Variants in UVRAG observed in about 807,000 individuals in gnomAD.
UVRAG encodes the protein UV radiation resistance associated.
In UVRAG, 19 loss-of-function variants were observed where a neutral mutation model predicts 78.0. The ratio of observed to expected loss-of-function variants is 0.24; its 90% CI spans 0.17 to 0.36. UVRAG has a LOEUF of 0.36. UVRAG is among the 10% of genes least tolerant of loss of function. The pLI is 1.00. For synonymous variants in UVRAG, 323 were observed against 324.6 expected (o/e 1.00, Z 0.05); for missense variants, 740 against 853.8 (o/e 0.87, Z 1.66).
At chr11:76,052,128 A>G (rs1360828965) in intron 12 of UVRAG, among the ~76,000 whole-genome samples, 2 of 152,206 alleles carry the variant, frequency 1.3e-5, no homozygotes, top group Non-Finnish European at 2.9e-5. Context: ...GGCTGATTAT[A>G]TGAGCACTAT....
At chr11:75,939,698 G>A (rs554576091) in intron 6 of UVRAG, among the ~76,000 whole-genome samples, 69 of 152,298 alleles carry the variant, frequency 4.5e-4, no homozygotes, top group African/African-American at 1.6e-3. Flanking sequence ...AGGCATTTGA[G>A]AATGTGTGAG....
intron 12 of UVRAG, among the ~76,000 whole-genome samples, chr11:76,055,220 G>A (rs968547851): frequency 4.6e-5 from 7 of 151,906 alleles, no homozygotes; most frequent in Non-Finnish European, 7.4e-5. Flanking sequence ...GCTAATTTTT[G>A]TATTTTTAGT....
intron 13 of UVRAG, among the ~76,000 whole-genome samples, chr11:76,079,368 C>T (rs2134406836): frequency 6.6e-6 from 1 of 151,858 alleles, no homozygotes; most frequent in East Asian, 1.9e-4. Flanking sequence ...GCCTGTAGTC[C>T]CAACTACTCA....
At chr11:75,969,439 G>A (rs958835505) in intron 7 of UVRAG, among the ~76,000 whole-genome samples, 3 of 152,036 alleles carry the variant, frequency 2.0e-5, no homozygotes, top group African/African-American at 7.3e-5. Flanking sequence ...GTGGACTTTT[G>A]GTTTCTGTTT....
intron 13 of UVRAG, among the ~76,000 whole-genome samples, chr11:76,087,146 T>G (rs1951602105): frequency 6.6e-6 from 1 of 152,228 alleles, no homozygotes; most frequent in South Asian, 2.1e-4. Flanking sequence ...CAGTGAGTCC[T>G]AATGTTTCTA....
intron 13 of UVRAG, among the ~76,000 whole-genome samples, chr11:76,102,431 CT>C (rs1041515855): frequency 6.6e-6 from 1 of 152,140 alleles, no homozygotes; most frequent in Non-Finnish European, 1.5e-5. Flanking sequence ...TACCCTGAAA[CT>C]TTGCTGAAGT....
At chr11:75,944,994 A>T (rs1948561522) in intron 6 of UVRAG, among the ~76,000 whole-genome samples, 1 of 152,174 alleles carries the variant, frequency 6.6e-6, no homozygotes, top group South Asian at 2.1e-4. Flanking sequence ...ATTGATAGAC[A>T]TGTAGTGTCT....
intron 12 of UVRAG, among the ~76,000 whole-genome samples, chr11:76,055,417 A>C (rs1003782991): frequency 5.9e-5 from 9 of 152,198 alleles, no homozygotes; most frequent in Non-Finnish European, 1.0e-4. Flanking sequence ...CCAAGATTTT[A>C]TTATGAAAAT....
intron 14 of UVRAG, among the ~76,000 whole-genome samples, chr11:76,118,314 T>G (rs1422859687): frequency 6.6e-6 from 1 of 152,216 alleles, no homozygotes; most frequent in East Asian, 1.9e-4. Flanking sequence ...TCGATTCTCT[T>G]GGATTTTTTG....
At chr11:75,923,003 C>CATATATATAT (rs147448761) in intron 6 of UVRAG, among the ~76,000 whole-genome samples, 9 of 138,768 alleles carry the variant, frequency 6.5e-5, no homozygotes, top group African/African-American at 1.9e-4. Flanking sequence ...TATATTTTTT[C>CATATATATAT]ATATATATAT....
At chr11:75,852,156 T>C (rs1946167045) in intron 2 of UVRAG, among the ~76,000 whole-genome samples, 156 bp downstream of exon 2, 1 of 152,220 alleles carries the variant, frequency 6.6e-6, no homozygotes, top group South Asian at 2.1e-4. Flanking sequence ...GGATGTATAC[T>C]AAAGAAAGAT....
intron 6 of UVRAG, among the ~76,000 whole-genome samples, chr11:75,934,443 A>C (rs755522015): frequency 6.6e-6 from 1 of 152,178 alleles, no homozygotes; most frequent in Non-Finnish European, 1.5e-5. Flanking sequence ...ACTTGCTAGT[A>C]AAAACAAGAT....
intron 14 of UVRAG, among the ~76,000 whole-genome samples, chr11:76,136,859 C>T (rs1052573104): frequency 1.3e-5 from 2 of 151,962 alleles, no homozygotes; most frequent in African/African-American, 4.8e-5. Flanking sequence ...AGGAAAATAC[C>T]CAAAATTAAT....
At chr11:76,116,439 T>A (rs894569113) in intron 14 of UVRAG, among the ~76,000 whole-genome samples, 2 of 152,138 alleles carry the variant, frequency 1.3e-5, no homozygotes, top group Non-Finnish European at 2.9e-5. Context: ...AAGGAATAGG[T>A]CAGGGGGTCA....
chr11:76,022,724 C>T (rs941487476), intron 12 of UVRAG, among the ~76,000 whole-genome samples: 4 of 152,182 alleles, frequency 2.6e-5, no homozygotes, highest in Admixed American at 2.0e-4. Flanking sequence ...CCTCCAATCT[C>T]TGCCTTTGGA....
intron 10 of UVRAG, among the ~76,000 whole-genome samples, chr11:76,008,502 T>C (rs756666884): frequency 9.2e-5 from 14 of 152,240 alleles, no homozygotes; most frequent in Non-Finnish European, 1.9e-4. Context: ...TTGAGTTTGC[T>C]TATAGAATCT....
intron 11 of UVRAG, among the ~76,000 whole-genome samples, chr11:76,010,324 T>C (rs115836206): frequency 9.5e-4 from 144 of 152,290 alleles, no homozygotes; most frequent in Middle Eastern, 3.4e-3. Flanking sequence ...ATGGAGCTTA[T>C]TGGGGGAGAC....
chr11:76,025,333 G>A (rs77448072), intron 12 of UVRAG, among the ~76,000 whole-genome samples: 252 of 152,286 alleles, frequency 1.7e-3, no homozygotes, highest in African/African-American at 5.7e-3. Context: ...CTACTTAACT[G>A]TCTGGTAGAT....
At position 76,024,860 on chromosome 11, in the gene UVRAG, C is replaced by T. The variant is rs376425625; in HGVS notation, c.1226+7880C>T. ...AATTTTGATGTAAACCTTTCCAGGA[C>T]ATTAGATGGAATCAGATCTTCATGG... On this transcript the variant is annotated intron_variant, in intron 12 of 14. Transcript: ENST00000356136. Among the ~76,000 whole-genome samples the T allele has an allele frequency of 4.6e-5, 7 of 152,032 alleles. No individual in the cohort carries two copies. The East Asian group carries it at 1.3e-3, about 29-fold the overall frequency.
Sources: allele counts gnomAD v4.1 joint callset (sites outside exome capture counted in the v4.1 genomes callset), GRCh38; gene constraint gnomAD v4.1.1; transcripts MANE v1.5; gene names NCBI Gene and HGNC (gene_info 2026-07-23, HGNC 2026-07-21).